Variants in GALNT13 observed in about 807,000 individuals in gnomAD.
The protein encoded by GALNT13 is UDP-GalNAc:polypeptide N-acetylgalactosaminyltransferase 13.
Under a neutral mutation model 64.2 loss-of-function variants are expected in GALNT13, and 28 were observed. The observed-to-expected ratio is 0.44, with a 90% confidence interval of 0.32 to 0.60. The LOEUF is 0.60. Ranked by LOEUF, GALNT13 falls within the 20% of genes least tolerant of loss-of-function variation. The probability of loss-of-function intolerance (pLI) is 0.05; values close to 1 mark genes in which losing one functional copy is unlikely to be tolerated. For synonymous variants in GALNT13, 214 were observed against 224.6 expected (o/e 0.95, Z 0.42); for missense variants, 577 against 669.8 (o/e 0.86, Z 1.53).
the GALNT13 span, among the ~76,000 whole-genome samples, chr2:153,501,893 T>C: frequency 6.6e-6 from 1 of 152,334 alleles, no homozygotes; most frequent in South Asian, 2.1e-4. Flanking sequence ...CTTTTAATTC[T>C]CTTATTACCC....
intron 11 of GALNT13, among the ~76,000 whole-genome samples, chr2:154,413,201 A>G (rs914397706): frequency 6.6e-6 from 1 of 151,836 alleles, no homozygotes; most frequent in Non-Finnish European, 1.5e-5. Context: ...AGACATCTCA[A>G]ACCCACCTGT....
intron 4 of GALNT13, among the ~76,000 whole-genome samples, chr2:154,214,464 C>A: frequency 6.6e-6 from 1 of 152,108 alleles, no homozygotes; most frequent in East Asian, 1.9e-4. Flanking sequence ...CAGCCTTTCC[C>A]TATTGATATG....
rs190039396 is a variant in GALNT13 at position 154,074,867 on chromosome 2, A to G, written c.143-65470A>G. On this transcript the variant is annotated intron_variant, in intron 3 of 12. Coordinates refer to ENST00000392825, the MANE Select transcript of GALNT13 (RefSeq NM_052917.4). ...AATTCAACATCACTTCATATTAAAA[A>G]TCCTCAACATACTAGCCACTGAAGG... Among the ~76,000 whole-genome samples the G allele has an allele frequency of 9.3e-4, 141 of 151,876 alleles. 1 individual carries two copies. Among genetic ancestry groups the G allele is most frequent in the Non-Finnish European group, 4.0e-4 (27 of 67,876 alleles).
chr2:153,896,384 T>C (rs1333104945), intron 1 of GALNT13, among the ~76,000 whole-genome samples: 1 of 151,134 alleles, frequency 6.6e-6, no homozygotes, highest in Non-Finnish European at 1.5e-5. Context: ...TATATCAATG[T>C]GTAAATTATG....
At chr2:154,126,984 T>C (rs981150529) in intron 3 of GALNT13, among the ~76,000 whole-genome samples, 6 of 152,184 alleles carry the variant, frequency 3.9e-5, no homozygotes, top group African/African-American at 1.4e-4. Context: ...CCATATTTGA[T>C]CAATAAGCAA....
the GALNT13 span, among the ~76,000 whole-genome samples, chr2:153,193,015 T>TA: frequency 6.6e-6 from 1 of 152,156 alleles, no homozygotes; most frequent in Non-Finnish European, 1.5e-5. Context: ...TGTGAGGACT[T>TA]ACTCCTGCCA....
the GALNT13 span, among the ~76,000 whole-genome samples, chr2:153,696,264 C>CCAG: frequency 6.6e-6 from 1 of 152,144 alleles, no homozygotes; most frequent in South Asian, 2.1e-4. Context: ...CAGGAAGCAT[C>CCAG]CAGCATGGGA....
chr2:153,455,993 C>T, the GALNT13 span, among the ~76,000 whole-genome samples: 1 of 152,144 alleles, frequency 6.6e-6, no homozygotes, highest in East Asian at 1.9e-4. Flanking sequence ...CGGCCCTCTC[C>T]AGCCAAATTC....
At chr2:154,326,454 T>A (rs1694878797) in intron 9 of GALNT13, among the ~76,000 whole-genome samples, 1 of 152,142 alleles carries the variant, frequency 6.6e-6, no homozygotes, top group Non-Finnish European at 1.5e-5. Context: ...TATTACTTGT[T>A]GATGTGAAAT....
At chr2:153,984,102 T>A (rs1453974564) in intron 3 of GALNT13, among the ~76,000 whole-genome samples, 2 of 151,966 alleles carry the variant, frequency 1.3e-5, no homozygotes, top group African/African-American at 4.8e-5. Context: ...AAGCTACAAC[T>A]TTAGAAGTTT....
At chr2:154,152,237 T>G (rs1684082527) in intron 4 of GALNT13, among the ~76,000 whole-genome samples, 2 of 152,184 alleles carry the variant, frequency 1.3e-5, no homozygotes, top group South Asian at 2.1e-4. Context: ...ATTCTTTTCT[T>G]TAAGAATGTT....
the GALNT13 span, among the ~76,000 whole-genome samples, chr2:153,223,449 A>G: frequency 1.3e-5 from 2 of 152,226 alleles, no homozygotes; most frequent in African/African-American, 2.4e-5. Context: ...TATATATACC[A>G]TACAATTTTG....
At chr2:154,307,524 C>T (rs1257424211) in intron 9 of GALNT13, among the ~76,000 whole-genome samples, 2 of 151,868 alleles carry the variant, frequency 1.3e-5, no homozygotes, top group Non-Finnish European at 2.9e-5. Flanking sequence ...GTAATATTGA[C>T]AAAGTTGGTA....
chr2:153,924,518 C>T (rs942437906), intron 2 of GALNT13, among the ~76,000 whole-genome samples: 1 of 152,092 alleles, frequency 6.6e-6, no homozygotes, highest in African/African-American at 2.4e-5. Context: ...CTGCAATGAA[C>T]ATGTGCCTTT....
intron 9 of GALNT13, among the ~76,000 whole-genome samples, chr2:154,375,818 T>G (rs1255117896): frequency 6.6e-6 from 1 of 152,200 alleles, no homozygotes; most frequent in Non-Finnish European, 1.5e-5. Flanking sequence ...GAAGCAGCTT[T>G]AAGTTTTAAA....
intron 1 of GALNT13, among the ~76,000 whole-genome samples, chr2:153,877,488 T>C (rs1686460717): frequency 2.0e-5 from 3 of 152,154 alleles, no homozygotes; most frequent in Admixed American, 2.0e-4. Context: ...ATCTTGAAGA[T>C]AGTAGTAAAT....
chr2:153,726,931 C>A, the GALNT13 span, among the ~76,000 whole-genome samples: 2 of 138,768 alleles, frequency 1.4e-5, no homozygotes, highest in South Asian at 2.4e-4. Flanking sequence ...CAGAGCGAGA[C>A]TCCATCTCAA....
At chr2:153,669,418 G>A in the GALNT13 span, among the ~76,000 whole-genome samples, 331 of 152,154 alleles carry the variant, frequency 2.2e-3, 1 homozygote, top group Middle Eastern at 3.4e-3. Context: ...TTATTACATT[G>A]GTGATGAAAT....
At chr2:154,110,312 TATATATATATATATATATATATATAG>T (rs1702883354) in intron 3 of GALNT13, among the ~76,000 whole-genome samples, 16 of 48,860 alleles carry the variant, frequency 3.3e-4, no homozygotes, top group East Asian at 1.6e-3. Flanking sequence ...TATATATATA[TATATATATATATATATATATATATAG>T]AGAGAGAGAG....
Sources: gnomAD v4.1 joint callset for allele counts (sites outside exome capture counted in the v4.1 genomes callset) on GRCh38, gnomAD v4.1.1 for gene constraint, MANE v1.5 for transcripts, NCBI Gene and HGNC (gene_info 2026-07-23, HGNC 2026-07-21) for gene names.